The following TBC1D10A variants were observed in gnomAD, a reference collection of about 807,000 sequenced individuals.
The protein encoded by TBC1D10A is EBP50-PDX interactor of 64 kDa.
A neutral mutation model predicts 52.9 loss-of-function variants in TBC1D10A; 24 were observed. The observed-to-expected ratio is 0.45, with a 90% CI of 0.33 to 0.64. TBC1D10A has a LOEUF of 0.64. TBC1D10A is among the 30% of genes least tolerant of loss of function. The pLI, the probability that TBC1D10A is intolerant of heterozygous loss-of-function variation, is 0.02. For synonymous variants in TBC1D10A, 278 were observed against 282.9 expected (o/e 0.98, Z 0.17); for missense variants, 602 against 687.9 (o/e 0.88, Z 1.40).
intron 6 of TBC1D10A, 149 bp downstream of exon 6, chr22:30,294,647 T>A: frequency 1.1e-6 from 1 of 922,038 alleles, no homozygotes; most frequent in Non-Finnish European, 1.7e-6. Context: ...CCAGGAGACC[T>A]AACCCTGGCA....
Position 30,326,831 on chromosome 22 carries a change from T to C in TBC1D10A, c.51A>G (p.Glu17=), listed in dbSNP as rs777107532. ...GGCTCTCCCGGGTTCCCGACAGGCT[T>C]TCCCCGGCCGCGGGCGCGCGCGGCC... The part of the protein sequence containing the change: ...ENGPRAPAAG[E]SLSGTRESLA... The change falls in exon 1 of 9, where the codon GAA becomes GAG. Residue 17 remains glutamate (E), a synonymous_variant. Transcript: ENST00000215790. 1.4e-6 allele frequency: 2 copies of C among 1,473,708 alleles called. No homozygotes were observed. The highest frequency in any genetic ancestry group is 1.8e-6 in the Non-Finnish European group (2 of 1,119,006). 91.3% of individuals were successfully genotyped at this position (1,473,708 alleles called of 1,614,324 possible).
chr22:30,292,807 G>C lies in TBC1D10A; in HGVS notation c.1095C>G (p.His365Gln). The C allele has an allele frequency of 6.2e-7, 1 of 1,611,866 alleles. No individual in the cohort carries two copies. The highest frequency in any genetic ancestry group is 8.5e-7 in the Non-Finnish European group (1 of 1,179,974). Residue 365 changes from histidine (H) to glutamine (Q), a missense_variant, in exon 9 of 9, where the codon CAC becomes CAG. His to Gln is a conservative substitution (Grantham distance 24, BLOSUM62 0). Around this residue, in one of 3 missense-constraint regions of TBC1D10A, gnomAD observed 265 missense variants for 275.1 expected, o/e 0.96. Coordinates refer to ENST00000215790, the MANE Select transcript of TBC1D10A (RefSeq NM_031937.3). ...CCTGCCAGCGCCGCAGCTGAATGAGGTGTTCGCGCTCAATCTGGCGCTCTG... is the reference window on the plus strand; with the variant it reads ...CCTGCCAGCGCCGCAGCTGAATGAGCTGTTCGCGCTCAATCTGGCGCTCTG... Reference protein sequence around the residue: ...PVTERQIEREHLIQLRRWQET... With the variant: ...PVTERQIEREQLIQLRRWQET...
intron 4 of TBC1D10A, among the ~76,000 whole-genome samples, 183 bp downstream of exon 4, chr22:30,295,554 C>T (rs976386286): frequency 6.6e-6 from 1 of 152,096 alleles, no homozygotes; most frequent in African/African-American, 2.4e-5. Context: ...ATGAGGAAAG[C>T]CCCCCCAGAG....
chr22:30,297,879 C>G lies in TBC1D10A; in HGVS notation c.417+1565G>C, dbSNP rs185492372. The G allele has an allele frequency of 1.3e-5, 2 of 152,354 alleles. No homozygotes were observed. The highest frequency in any genetic ancestry group is 6.5e-5 in the Admixed American group (1 of 15,302). The allele number at this position is 152,354 out of a possible 1,614,324, so 9.4% of individuals were successfully genotyped here. On this transcript the variant is annotated intron_variant, in intron 3 of 8. Transcript: ENST00000215790. The surrounding 1 kb of genome is among the most constrained non-coding windows in gnomAD (Gnocchi z 4.3). ...CAACCAGGGGAAGCTCCTCATGCTTCCTCTGGGTCACCCACAGGCAAAGTC... is the reference window on the plus strand; with the variant it reads ...CAACCAGGGGAAGCTCCTCATGCTTGCTCTGGGTCACCCACAGGCAAAGTC...
At chr22:30,304,914 T>A (rs946811801) in intron 1 of TBC1D10A, among the ~76,000 whole-genome samples, 2 of 152,188 alleles carry the variant, frequency 1.3e-5, no homozygotes, top group African/African-American at 4.8e-5. Context: ...AGAGGCTGAG[T>A]GAGTGTCTGC....
intron 1 of TBC1D10A, among the ~76,000 whole-genome samples, chr22:30,307,581 TA>T (rs1930334822): frequency 6.6e-6 from 1 of 152,194 alleles, no homozygotes. Flanking sequence ...CACTCATCCC[TA>T]ACTGAATGCC....
In TBC1D10A at chr22:30,296,234, C is replaced by T. The variant is rs940181971; in HGVS notation, c.418-391G>A. On this transcript the variant is annotated intron_variant, in intron 3 of 8. Coordinates refer to ENST00000215790, the MANE Select transcript of TBC1D10A (RefSeq NM_031937.3). Reference sequence around the variant, plus strand: ...GCTGTTCCCACTTCTCTGAGCCAGGCGCTAAGCTGGGCACAGGGTACCTGT... The same window carrying T: ...GCTGTTCCCACTTCTCTGAGCCAGGTGCTAAGCTGGGCACAGGGTACCTGT... The T allele has an allele frequency of 2.0e-3, 383 of 194,280 alleles. 3 individuals carry two copies. Among genetic ancestry groups the T allele is most frequent in the African/African-American group, 1.4e-3 (57 of 42,136 alleles). The allele number at this position is 194,280 out of a possible 1,614,324, so 12.0% of individuals were successfully genotyped here. A position where few individuals can be genotyped will look rare whatever the true frequency, so the allele number is the denominator to read the frequency against.
At chr22:30,304,993 G>A (rs992401195) in intron 1 of TBC1D10A, among the ~76,000 whole-genome samples, 2 of 152,226 alleles carry the variant, frequency 1.3e-5, no homozygotes, top group South Asian at 2.1e-4. Context: ...TCAGAGGGCC[G>A]GTGTACAAGG....
intron 1 of TBC1D10A, among the ~76,000 whole-genome samples, chr22:30,308,295 CCTGCA>C (rs1569162168): frequency 0.019 from 1,498 of 80,352 alleles, 10 homozygotes; most frequent in Non-Finnish European, 0.025. Flanking sequence ...TGCCTGCATG[CCTGCA>C]TGCCTGCCTG....
chr22:30,326,523 G>C, intron 1 of TBC1D10A, 150 bp downstream of exon 1: 2 of 743,222 alleles, frequency 2.7e-6, no homozygotes, highest in Non-Finnish European at 2.0e-6. Flanking sequence ...AGGAAGGCAG[G>C]GGTGGTGGGG....
chr22:30,292,518 C>T lies in TBC1D10A; in HGVS notation c.1384G>A (p.Asp462Asn). 7 of 1,611,662 alleles carry T rather than the reference C, an allele frequency of 4.3e-6. No homozygotes were observed. Among genetic ancestry groups the T allele is most frequent in the Non-Finnish European group, 5.1e-6 (6 of 1,179,078 alleles). The change falls in exon 9 of 9, where the codon GAT becomes AAT. Residue 462 changes from aspartate to asparagine, a missense_variant. By Grantham distance (23) the Asp-to-Asn change is conservative. This residue lies in a region of TBC1D10A where 265 missense variants were observed against 275.1 expected (regional missense o/e 0.96). Coordinates refer to ENST00000215790, the MANE Select transcript of TBC1D10A (RefSeq NM_031937.3). ...GGCACATGCTGTGGGGGACATGCAT[C>T]TCCTGCAGCGGCCACCACCATGGCT... is the stretch of plus-strand genomic sequence containing the variant. ...NQAMVVAAAGDACPPQHVPPK... is the reference protein window; with the variant it reads ...NQAMVVAAAGNACPPQHVPPK...
intron 1 of TBC1D10A, among the ~76,000 whole-genome samples, chr22:30,321,826 T>C (rs1008115657): frequency 8.5e-5 from 13 of 152,060 alleles, no homozygotes; most frequent in African/African-American, 3.1e-4. Flanking sequence ...GTATAAAACT[T>C]GTATCCTTCT....
At position 30,293,762 on chromosome 22, in the gene TBC1D10A, G is replaced by A. The variant is rs990744403; in HGVS notation, c.939C>T (p.His313=). The A allele has an allele frequency of 1.8e-5, 29 of 1,612,602 alleles. No homozygotes were observed. Among genetic ancestry groups the A allele is most frequent in the South Asian group, 5.5e-5 (5 of 91,080 alleles). Residue 313 remains histidine (H), a synonymous_variant, in exon 8 of 9, where the codon CAC becomes CAT. Transcript: ENST00000215790. ...TGACCTTCTCAGGGGAGCCCAGCGC[G>A]TGCTTCAGCAGCACCAGCCCCACCC... ...IFRVGLVLLK[H]ALGSPEKVKA... is the part of the protein sequence containing the mutation.
chr22:30,316,278 G>C (rs1930533864), intron 1 of TBC1D10A, among the ~76,000 whole-genome samples: 1 of 152,186 alleles, frequency 6.6e-6, no homozygotes, highest in Non-Finnish European at 1.5e-5. Flanking sequence ...TTGAAGCCAG[G>C]AGTTTAAGAC....
intron 1 of TBC1D10A, among the ~76,000 whole-genome samples, chr22:30,322,244 G>T (rs1290768695): frequency 6.6e-6 from 1 of 152,068 alleles, no homozygotes; most frequent in African/African-American, 2.4e-5. Flanking sequence ...GCCTCCTAAA[G>T]TGCTGGGATT....
At chr22:30,315,600 A>G (rs1271397993) in intron 1 of TBC1D10A, among the ~76,000 whole-genome samples, 1 of 152,192 alleles carries the variant, frequency 6.6e-6, no homozygotes, top group Non-Finnish European at 1.5e-5. Flanking sequence ...CGAAGATGAA[A>G]GGGAAAGCAG....
intron 1 of TBC1D10A, among the ~76,000 whole-genome samples, chr22:30,317,227 G>C (rs1216852552): frequency 6.6e-6 from 1 of 152,068 alleles, no homozygotes; most frequent in Non-Finnish European, 1.5e-5. Context: ...GGCCAACATG[G>C]CAAAACCCTG....
rs1857528699 is a variant in TBC1D10A, at chr22:30,292,194, TAAG to T, written c.*178_*180del. On this transcript the variant is annotated 3_prime_UTR_variant, in exon 9 of 9. Transcript: ENST00000215790. The stretch of plus-strand genomic sequence containing the variant: ...TGAGTGCCACTGTAAAGAAAATAAA[TAAG>T]GAGGCTCAGGCAGAATCTGTGTTGG... 1.8e-6 allele frequency: 1 copy of T among 553,188 alleles called. No individual in the cohort carries two copies. Among genetic ancestry groups the T allele is most frequent in the African/African-American group, 1.9e-5 (1 of 51,850 alleles). 34.3% of individuals were successfully genotyped at this position (553,188 alleles called of 1,614,324 possible).
At position 30,326,653 on chromosome 22, in the gene TBC1D10A, C is replaced by T; in HGVS notation, c.209+20G>A. 1.3e-6 allele frequency: 2 copies of T among 1,557,202 alleles called. No individual in the cohort carries two copies. Among genetic ancestry groups the T allele is most frequent in the Non-Finnish European group, 1.7e-6 (2 of 1,153,892 alleles). ...CTCGCGTGGGTGGCGCGCTCAGTCC[C>T]GACCCCCGGCGCTACTCACGCGCCC... is the stretch of plus-strand genomic sequence containing the variant. On this transcript the variant is annotated intron_variant, in intron 1 of 8. Coordinates refer to ENST00000215790, the MANE Select transcript of TBC1D10A (RefSeq NM_031937.3).
Sources: gnomAD v4.1 joint callset for allele counts (sites outside exome capture counted in the v4.1 genomes callset) on GRCh38, gnomAD v4.1.1 for gene constraint, gnomAD v4.1.1 regional missense constraint, Gnocchi (gnomAD v3.1) non-coding constraint, MANE v1.5 for transcripts, NCBI Gene and HGNC (gene_info 2026-07-23, HGNC 2026-07-21) for gene names.